Variants in PCDH15 observed in about 807,000 individuals in gnomAD.
PCDH15 encodes protocadherin-15.
In PCDH15, 129 loss-of-function variants were observed where a neutral mutation model predicts 178.5. That is an observed-to-expected ratio of 0.72 (90% confidence interval 0.63 to 0.84). The LOEUF is 0.84. Among genes scored for constraint, PCDH15 ranks in the 40% least tolerant of loss-of-function variants. The probability of loss-of-function intolerance (pLI) is 0.00; values close to 1 mark genes in which losing one functional copy is unlikely to be tolerated. For missense variants in PCDH15, 2,230 were observed against 2,099.9 expected (o/e 1.06, Z -1.21); for synonymous variants, 800 against 732.0 (o/e 1.09, Z -1.50).
chr10:55,363,386 T>C (rs1337342988), intron 2 of PCDH15, among the ~76,000 whole-genome samples: 2 of 152,142 alleles, frequency 1.3e-5, no homozygotes, highest in African/African-American at 2.4e-5. Context: ...TAGTCACATA[T>C]AGTTTATGTG....
intron 3 of PCDH15, among the ~76,000 whole-genome samples, chr10:54,398,758 A>T (rs1951562245): frequency 6.6e-6 from 1 of 152,086 alleles, no homozygotes; most frequent in Non-Finnish European, 1.5e-5. Context: ...AAAACCCCAA[A>T]TATTCTGGTA....
At chr10:54,741,951 AT>A (rs1371778233) in intron 1 of PCDH15, among the ~76,000 whole-genome samples, 2 of 152,078 alleles carry the variant, frequency 1.3e-5, no homozygotes, top group Non-Finnish European at 2.9e-5. Context: ...ATATTCAACA[AT>A]TGTGAGGTAT....
intron 2 of PCDH15, among the ~76,000 whole-genome samples, chr10:54,644,660 G>T (rs1216385655): frequency 1.3e-5 from 2 of 152,068 alleles, no homozygotes; most frequent in East Asian, 3.9e-4. Context: ...TAGAAAAAAA[G>T]ATTCAGAATA....
chr10:54,234,906 GATAA>G (rs759083054), intron 9 of PCDH15, among the ~76,000 whole-genome samples: 6 of 152,142 alleles, frequency 3.9e-5, no homozygotes, highest in Non-Finnish European at 7.3e-5. Flanking sequence ...ATACAAAGTA[GATAA>G]ATAACATACA....
At chr10:54,081,714 A>C (rs2094439396) in intron 16 of PCDH15, among the ~76,000 whole-genome samples, 1 of 152,150 alleles carries the variant, frequency 6.6e-6, no homozygotes, top group Admixed American at 6.6e-5. Flanking sequence ...TACACTTAGT[A>C]ATGCAATACA....
rs560457226 is a variant in PCDH15, at chr10:55,255,035, T to C, written c.-156+64564A>G. ...GTTACATATGTATACATGTGCCATG[T>C]TGGTGTGCTGCACCCATTAACTAGT... On this transcript the variant is annotated intron_variant, in intron 1 of 5. Transcript: ENST00000458638. Among the ~76,000 whole-genome samples, 36 of 152,252 alleles carry C rather than the reference T, an allele frequency of 2.4e-4. 1 individual carries two copies. In the Middle Eastern group the frequency reaches 0.01, roughly 43 times the overall value.
At chr10:54,105,317 T>TATATATATATATATAC (rs1233590982) in intron 15 of PCDH15, among the ~76,000 whole-genome samples, 1 of 91,584 alleles carries the variant, frequency 1.1e-5, no homozygotes, top group Non-Finnish European at 2.2e-5. Context: ...TATATATATA[T>TATATATATATATATAC]ACACACACAC....
At chr10:55,164,870 C>G (rs1839156173) in intron 2 of PCDH15, among the ~76,000 whole-genome samples, 1 of 152,012 alleles carries the variant, frequency 6.6e-6, no homozygotes, top group African/African-American at 2.4e-5. Context: ...AGAGTACTTA[C>G]CCTAATCCTT....
chr10:54,250,544 A>G (rs1042035405), intron 8 of PCDH15, among the ~76,000 whole-genome samples: 1 of 151,964 alleles, frequency 6.6e-6, no homozygotes, highest in Non-Finnish European at 1.5e-5. Context: ...CGGCCTCTCA[A>G]AGTGCTGGGA....
chr10:54,331,869 T>C (rs1281073093), intron 6 of PCDH15, among the ~76,000 whole-genome samples: 1 of 151,898 alleles, frequency 6.6e-6, no homozygotes, highest in Non-Finnish European at 1.5e-5. Context: ...AAACAGTAAT[T>C]CCATTCTCTT....
chr10:54,018,316 A>C (rs771470987), intron 20 of PCDH15, among the ~76,000 whole-genome samples: 2 of 152,156 alleles, frequency 1.3e-5, no homozygotes, highest in Admixed American at 6.6e-5. Flanking sequence ...AAAGGGAGTA[A>C]TCCTCAGGAA....
intron 2 of PCDH15, among the ~76,000 whole-genome samples, chr10:55,451,924 G>T (rs963130614): frequency 1.2e-4 from 18 of 152,116 alleles, no homozygotes; most frequent in African/African-American, 4.3e-4. Flanking sequence ...TTGAAAGAAG[G>T]CAAGATATCA....
intron 2 of PCDH15, among the ~76,000 whole-genome samples, chr10:54,652,843 A>G (rs1354946030): frequency 6.6e-6 from 1 of 152,210 alleles, no homozygotes; most frequent in Non-Finnish European, 1.5e-5. Flanking sequence ...GTATTTAATT[A>G]CGGCATTCCT....
At chr10:54,428,637 C>T (rs974886158) in intron 3 of PCDH15, among the ~76,000 whole-genome samples, 21 of 151,928 alleles carry the variant, frequency 1.4e-4, no homozygotes, top group African/African-American at 4.4e-4. Flanking sequence ...TTGAGGCATT[C>T]GATAATCATA....
chr10:54,279,483 C>A (rs1027256821), intron 8 of PCDH15, among the ~76,000 whole-genome samples: 1 of 151,502 alleles, frequency 6.6e-6, no homozygotes, highest in African/African-American at 2.4e-5. Context: ...GGAAAGTTTC[C>A]GCAGTAGAGA....
intron 2 of PCDH15, among the ~76,000 whole-genome samples, chr10:54,904,148 A>G (rs771542573): frequency 1.3e-5 from 2 of 152,084 alleles, no homozygotes; most frequent in African/African-American, 2.4e-5. Context: ...ACTAAAAATC[A>G]TTGGTTGATT....
chr10:53,984,218 C>G (rs910485889), intron 21 of PCDH15, among the ~76,000 whole-genome samples: 2 of 127,834 alleles, frequency 1.6e-5, no homozygotes, highest in African/African-American at 6.2e-5. Flanking sequence ...GGTGCAATCT[C>G]TGCTCACTGC....
intron 2 of PCDH15, among the ~76,000 whole-genome samples, chr10:54,943,550 A>T (rs1374306896): frequency 1.3e-5 from 2 of 152,128 alleles, no homozygotes; most frequent in Non-Finnish European, 2.9e-5. Flanking sequence ...ACATACCAAG[A>T]GCTACTGGGA....
At chr10:54,687,965 C>CTTTGT (rs2095044941) in intron 1 of PCDH15, among the ~76,000 whole-genome samples, 2 of 152,038 alleles carry the variant, frequency 1.3e-5, no homozygotes, top group African/African-American at 4.8e-5. Context: ...TGCCAAACAA[C>CTTTGT]ATTATGTCTA....
Sources: gnomAD v4.1 joint callset for allele counts (sites outside exome capture counted in the v4.1 genomes callset) on GRCh38, gnomAD v4.1.1 for gene constraint, MANE v1.5 for transcripts, NCBI Gene and HGNC (gene_info 2026-07-23, HGNC 2026-07-21) for gene names.